Variants in MAP4K3 observed in about 807,000 individuals in gnomAD.
MAP4K3 encodes MAPK/ERK kinase kinase kinase 3.
In MAP4K3, 94 loss-of-function variants were observed where a neutral mutation model predicts 143.5. The observed-to-expected ratio is 0.65, with a 90% CI of 0.55 to 0.78. The LOEUF (loss-of-function observed/expected upper bound fraction) is 0.78. Ranked by LOEUF, MAP4K3 falls within the 30% of genes least tolerant of loss-of-function variation. MAP4K3 has a pLI of 0.00. For synonymous variants in MAP4K3, 416 were observed against 347.2 expected, an observed-to-expected ratio of 1.20 and a Z score of -2.20; for missense variants, 1,077 against 1,068.1, an observed-to-expected ratio of 1.01 and a Z score of -0.12.
intron 1 of MAP4K3, among the ~76,000 whole-genome samples, chr2:39,414,986 T>G (rs929461042): frequency 6.6e-6 from 1 of 152,188 alleles, no homozygotes; most frequent in South Asian, 2.1e-4. Context: ...ACCAACTTCA[T>G]AGAGAATCTT....
chr2:39,352,575 C>G (rs1665491266), intron 3 of MAP4K3, among the ~76,000 whole-genome samples: 1 of 152,124 alleles, frequency 6.6e-6, no homozygotes, highest in Non-Finnish European at 1.5e-5. Context: ...CAAACCGGGA[C>G]TATTTAAAAT....
At chr2:39,321,171 A>G (rs142630330) in intron 12 of MAP4K3, among the ~76,000 whole-genome samples, 3,235 of 152,280 alleles carry the variant, frequency 0.021, 60 homozygotes, top group Non-Finnish European at 0.035. Flanking sequence ...GGGGAAAAGA[A>G]AGAGAGATCA....
In MAP4K3 at chr2:39,290,753, T is replaced by TA. The variant is rs543969700; in HGVS notation, c.1272-420dup. On this transcript the variant is annotated intron_variant, in intron 18 of 33. Transcript: ENST00000263881. The stretch of plus-strand genomic sequence containing the variant: ...CAGTATGTAAGTATTACTACTCTCT[T>TA]ATACCACTGTAGGATGACTATAGTT... Among the ~76,000 whole-genome samples, 4 of 152,268 alleles carry TA rather than the reference T, an allele frequency of 2.6e-5. No homozygotes were observed. The South Asian group carries it at 8.3e-4, about 32-fold the overall frequency.
intron 1 of MAP4K3, among the ~76,000 whole-genome samples, chr2:39,398,744 A>G (rs903349678): frequency 5.4e-5 from 7 of 130,168 alleles, no homozygotes; most frequent in African/African-American, 1.8e-4. Flanking sequence ...TAATAATAAT[A>G]ATGATGATGA....
intron 7 of MAP4K3, 64 bp from the exon 8 acceptor site, chr2:39,332,053 A>G (rs996746302): frequency 1.1e-5 from 10 of 881,690 alleles, no homozygotes; most frequent in African/African-American, 1.7e-5. Flanking sequence ...AAGGCAACAT[A>G]AAAAGAAACT....
intron 1 of MAP4K3, among the ~76,000 whole-genome samples, chr2:39,433,940 A>G (rs1385440737): frequency 6.6e-6 from 1 of 152,278 alleles, no homozygotes; most frequent in East Asian, 1.9e-4. Flanking sequence ...TAATATCTCC[A>G]CAACAAAACA....
chr2:39,374,650 C>A (rs368725927), intron 2 of MAP4K3, among the ~76,000 whole-genome samples: 1 of 151,582 alleles, frequency 6.6e-6, no homozygotes. Context: ...CCACTGCACT[C>A]CAGCCTGGGC....
chr2:39,317,087 G>C (rs2148506655), intron 12 of MAP4K3, among the ~76,000 whole-genome samples: 1 of 152,188 alleles, frequency 6.6e-6, no homozygotes, highest in East Asian at 1.9e-4. Context: ...GAACAGAACA[G>C]AGAGCCTAGA....
chr2:39,328,136 G>C (rs1683553121), intron 8 of MAP4K3, among the ~76,000 whole-genome samples: 1 of 152,180 alleles, frequency 6.6e-6, no homozygotes, highest in Non-Finnish European at 1.5e-5. Context: ...TTTGAGACCA[G>C]CCTGGGCAAC....
intron 1 of MAP4K3, among the ~76,000 whole-genome samples, chr2:39,397,475 G>A (rs1167710226): frequency 6.6e-6 from 1 of 152,124 alleles, no homozygotes; most frequent in Non-Finnish European, 1.5e-5. Flanking sequence ...AATGAAAGTA[G>A]AATTGAATGA....
intron 28 of MAP4K3, among the ~76,000 whole-genome samples, chr2:39,263,407 G>A (rs1003769155): frequency 1.3e-5 from 2 of 149,756 alleles, no homozygotes; most frequent in Non-Finnish European, 3.0e-5. Flanking sequence ...CGAGTAGCTG[G>A]GACTACAGGC....
intron 16 of MAP4K3, among the ~76,000 whole-genome samples, chr2:39,299,038 G>A (rs1453821813): frequency 6.6e-6 from 1 of 150,746 alleles, no homozygotes; most frequent in Admixed American, 6.6e-5. Context: ...GGAAGATTTT[G>A]GTAATTTAAA....
chr2:39,404,537 G>A (rs1318288392), intron 1 of MAP4K3, among the ~76,000 whole-genome samples: 2 of 150,154 alleles, frequency 1.3e-5, no homozygotes, highest in Non-Finnish European at 3.0e-5. Flanking sequence ...CACGCTTCAT[G>A]GTTTGAGTAC....
chr2:39,404,811 G>C lies in MAP4K3; in HGVS notation c.97-26688C>G, dbSNP rs572768432. The stretch of plus-strand genomic sequence containing the variant: ...TAATTTTATACTTTTAGCAGAGACG[G>C]GGTTTCTCCATGTTGGTCAGGCTGG... On this transcript the variant is annotated intron_variant, in intron 1 of 33. Transcript: ENST00000263881. Among the ~76,000 whole-genome samples, 147 of 152,034 alleles carry C rather than the reference G, an allele frequency of 9.7e-4. 1 individual carries two copies. Among genetic ancestry groups the C allele is most frequent in the African/African-American group, 3.3e-3 (136 of 41,474 alleles).
At chr2:39,341,301 T>C (rs947929597) in intron 4 of MAP4K3, among the ~76,000 whole-genome samples, 4 of 152,042 alleles carry the variant, frequency 2.6e-5, no homozygotes, top group South Asian at 2.1e-4. Flanking sequence ...CTATACCCAC[T>C]TAAATAATCA....
rs1680092275 is a variant in MAP4K3 at position 39,250,118 on chromosome 2, A to T, written c.*500T>A. On this transcript the variant is annotated 3_prime_UTR_variant, in exon 34 of 34. Coordinates refer to ENST00000263881, the MANE Select transcript of MAP4K3 (RefSeq NM_003618.4). ...CTCCATTACAATTTTAAAAGTTACA[A>T]GATTTATATTCATATTACTAAATTA... 6.6e-6 allele frequency: 1 copy of T among 152,658 alleles called. No individual in the cohort carries two copies. The highest frequency in any genetic ancestry group is 2.1e-4 in the South Asian group (1 of 4,830). The allele number at this position is 152,658 out of a possible 1,614,324, so 9.5% of individuals were successfully genotyped here.
intron 3 of MAP4K3, among the ~76,000 whole-genome samples, chr2:39,350,293 T>C (rs1665414763): frequency 6.6e-6 from 1 of 152,204 alleles, no homozygotes; most frequent in Non-Finnish European, 1.5e-5. Context: ...CAAATAAGTA[T>C]ACTGAGTTTA....
chr2:39,302,012 G>C (rs1411548401), intron 15 of MAP4K3, among the ~76,000 whole-genome samples: 2 of 151,544 alleles, frequency 1.3e-5, no homozygotes, highest in African/African-American at 4.8e-5. Context: ...GACAGAGAGA[G>C]ACTCTGTCTC....
chr2:39,430,656 T>C (rs1440051012), intron 1 of MAP4K3, among the ~76,000 whole-genome samples: 6 of 152,202 alleles, frequency 3.9e-5, no homozygotes, highest in Admixed American at 3.9e-4. Context: ...AAGTCATATG[T>C]GATAGCCTAC....
Sources: allele counts gnomAD v4.1 joint callset (sites outside exome capture counted in the v4.1 genomes callset), GRCh38; gene constraint gnomAD v4.1.1; transcripts MANE v1.5; gene names NCBI Gene and HGNC (gene_info 2026-07-23, HGNC 2026-07-21).